The following PLA2G7 variants were observed in gnomAD, a reference collection of about 807,000 sequenced individuals.
The protein encoded by PLA2G7 is phospholipase A2 group VII.
A neutral mutation model predicts 49.6 loss-of-function variants in PLA2G7; 63 were observed. That is an observed-to-expected ratio of 1.27 (90% CI 1.04 to 1.57). The LOEUF is 1.57. PLA2G7 is among the 40% of genes most tolerant of loss of function. The pLI is 0.00. For missense variants in PLA2G7, 596 were observed against 521.2 expected (o/e 1.14, Z -1.40); for synonymous variants, 193 against 169.9 (o/e 1.14, Z -1.06).
chr6:46,716,913 G>A (rs1002510305), intron 3 of PLA2G7, 62 bp downstream of exon 3: 1 of 1,534,406 alleles, frequency 6.5e-7, no homozygotes, highest in East Asian at 2.2e-5. Context: ...ACACCTTCTA[G>A]TGGTCCATAG....
At chr6:46,729,498 C>T (rs1027918703) in intron 1 of PLA2G7, among the ~76,000 whole-genome samples, 3 of 152,182 alleles carry the variant, frequency 2.0e-5, no homozygotes, top group Admixed American at 2.0e-4. Context: ...TACAGTTACC[C>T]TTCTAAGCAT....
In PLA2G7 at chr6:46,717,040, T is replaced by C; in HGVS notation, c.166A>G (p.Ile56Val). The C allele has an allele frequency of 6.2e-7, 1 of 1,613,600 alleles. No homozygotes were observed. The highest frequency in any genetic ancestry group is 1.1e-5 in the South Asian group (1 of 91,074). ...GAATAAGGCCCATTTCCCCGGGGGA[T>C]TTTAGTTTGGCCAAAGCTTGCAGCA... ...MAAASFGQTK[I>V]PRGNGPYSVG... The change falls in exon 3 of 12, where the codon ATC becomes GTC. Residue 56 changes from isoleucine to valine, a missense_variant. By Grantham distance (29) the Ile-to-Val change is conservative. Coordinates refer to ENST00000274793, the MANE Select transcript of PLA2G7 (RefSeq NM_005084.4).
At chr6:46,726,981 T>G (rs1402042579) in intron 1 of PLA2G7, among the ~76,000 whole-genome samples, 1 of 152,128 alleles carries the variant, frequency 6.6e-6, no homozygotes, top group African/African-American at 2.4e-5. Flanking sequence ...ATGATTTTCT[T>G]CAAATAGTAA....
At chr6:46,714,620 C>A (rs1228644866) in intron 4 of PLA2G7, 67 bp from the exon 5 acceptor site, 1 of 923,060 alleles carries the variant, frequency 1.1e-6, no homozygotes, top group East Asian at 2.4e-5. Context: ...TAATTCATAT[C>A]TCATTAGCAT....
chr6:46,704,458 TCTCTCTCTCTCTCTCTCTCTCA>T lies in PLA2G7; in HGVS notation c.*80_*101del. 1.7e-6 allele frequency: 1 copy of T among 591,804 alleles called. No individual in the cohort carries two copies. Among genetic ancestry groups the T allele is most frequent in the Non-Finnish European group, 2.9e-6 (1 of 340,528 alleles). 36.7% of individuals were successfully genotyped at this position (591,804 alleles called of 1,614,324 possible). On this transcript the variant is annotated 3_prime_UTR_variant, in exon 12 of 12. Transcript: ENST00000274793. ...CATTAAAATTCTCTCTCTCTCTCTC[TCTCTCTCTCTCTCTCTCTCTCA>T]CACACACACACACACACACACACAC...
chr6:46,729,768 T>G (rs1029030999), intron 1 of PLA2G7, among the ~76,000 whole-genome samples: 3 of 152,190 alleles, frequency 2.0e-5, no homozygotes, highest in Non-Finnish European at 4.4e-5. Flanking sequence ...ACCCACTAGA[T>G]GCCAATAGCA....
Position 46,727,698 on chromosome 6 carries a change from G to T in PLA2G7, c.-34-4773C>A, listed in dbSNP as rs45468998. 1.8e-3 allele frequency among the ~76,000 whole-genome samples: 267 copies of T among 152,332 alleles called. 1 individual carries two copies. Among genetic ancestry groups the T allele is most frequent in the African/African-American group, 6.0e-3 (250 of 41,584 alleles). On this transcript the variant is annotated intron_variant, in intron 1 of 11. Transcript: ENST00000274793. The stretch of plus-strand genomic sequence containing the variant: ...AATGTAATCACAAGAGTCCTTAAAA[G>T]TATAAGAGGATGGCAGAAGAAGAGA...
intron 7 of PLA2G7, among the ~76,000 whole-genome samples, chr6:46,710,898 C>A (rs1562069932): frequency 6.6e-6 from 1 of 152,180 alleles, no homozygotes; most frequent in East Asian, 1.9e-4. Context: ...TTTACTTAAC[C>A]TCTCTGAGTT....
intron 5 of PLA2G7, 49 bp downstream of exon 5, chr6:46,714,411 T>A (rs768572884): frequency 9.2e-7 from 1 of 1,089,794 alleles, no homozygotes; most frequent in East Asian, 2.4e-5. Flanking sequence ...AATAAAAAAA[T>A]TGTCATTTAT....
chr6:46,717,195 T>C, intron 2 of PLA2G7, 99 bp from the exon 3 acceptor site: 1 of 1,105,300 alleles, frequency 9.0e-7, no homozygotes, highest in Non-Finnish European at 1.4e-6. Flanking sequence ...TCCCATAGTT[T>C]CTGGCCTTCT....
At chr6:46,732,271 C>G (rs1350814702) in intron 1 of PLA2G7, among the ~76,000 whole-genome samples, 4 of 152,028 alleles carry the variant, frequency 2.6e-5, no homozygotes, top group Non-Finnish European at 5.9e-5. Context: ...GTCTGCCCAT[C>G]TTCCTGAGGT....
chr6:46,710,405 G>T (rs543130340), intron 8 of PLA2G7, 140 bp downstream of exon 8: 6 of 679,902 alleles, frequency 8.8e-6, no homozygotes, highest in East Asian at 2.7e-5. Context: ...GTACTGCTTT[G>T]TGTGTCTGTG....
At chr6:46,709,821 G>C (rs1308239985) in intron 8 of PLA2G7, among the ~76,000 whole-genome samples, 1 of 152,070 alleles carries the variant, frequency 6.6e-6, no homozygotes, top group African/African-American at 2.4e-5. Context: ...AGTCCATCAG[G>C]GAAGAAAGTT....
Position 46,704,217 on chromosome 6 carries a change from G to C in PLA2G7, c.*343C>G. The C allele has an allele frequency of 3.9e-6, 1 of 254,956 alleles. No individual in the cohort carries two copies. Among genetic ancestry groups the C allele is most frequent in the Non-Finnish European group, 7.7e-6 (1 of 129,874 alleles). 15.8% of individuals were successfully genotyped at this position (254,956 alleles called of 1,614,324 possible). The stretch of plus-strand genomic sequence containing the variant: ...TGCAACAGGTTTTCACTGGGATTTT[G>C]CCTGTTTTAATCTACTTGTCTGTCA... On this transcript the variant is annotated 3_prime_UTR_variant, in exon 12 of 12. Transcript: ENST00000274793.
chr6:46,714,786 A>G (rs1765147155), intron 4 of PLA2G7, among the ~76,000 whole-genome samples: 1 of 144,306 alleles, frequency 6.9e-6, no homozygotes, highest in Non-Finnish European at 1.5e-5. Flanking sequence ...CCCAGGCTGG[A>G]GTGCAATGGC....
chr6:46,732,047 T>C (rs1447896212), intron 1 of PLA2G7, among the ~76,000 whole-genome samples: 1 of 152,184 alleles, frequency 6.6e-6, no homozygotes, highest in Non-Finnish European at 1.5e-5. Context: ...CAAACTCTCT[T>C]TTGGCTTCTC....
At chr6:46,713,151 C>T (rs532399315) in intron 5 of PLA2G7, among the ~76,000 whole-genome samples, 50 of 152,268 alleles carry the variant, frequency 3.3e-4, no homozygotes, top group African/African-American at 1.0e-3. Context: ...ATGTGCTAAG[C>T]ACTGCATTTA....
Position 46,711,511 on chromosome 6 carries a change from ATG to A in PLA2G7, c.646_647del (p.His216TyrfsTer4). 6.2e-7 allele frequency: 1 copy of A among 1,613,738 alleles called. No homozygotes were observed. Among genetic ancestry groups the A allele is most frequent in the Non-Finnish European group, 8.5e-7 (1 of 1,179,694 alleles). The part of the protein sequence containing the change: ...LRTLKQEEET[H>X]IRNEQVRQRA... Reference sequence around the variant, plus strand: ...TGCAATGTACCTGCTCATTTCGTATATGTGTCTCCTCCTCTTGTTTCAGGGTT... The same window carrying A: ...TGCAATGTACCTGCTCATTTCGTATATGTCTCCTCCTCTTGTTTCAGGGTT... On this transcript the variant is annotated frameshift_variant, in exon 7 of 12. Transcript: ENST00000274793. LOFTEE classifies it high-confidence loss of function.
At chr6:46,732,651 G>A (rs1765769544) in intron 1 of PLA2G7, among the ~76,000 whole-genome samples, 1 of 152,120 alleles carries the variant, frequency 6.6e-6, no homozygotes, top group Non-Finnish European at 1.5e-5. Flanking sequence ...TCTTACAATA[G>A]ACTTTTTATT....
Sources: allele counts gnomAD v4.1 joint callset (sites outside exome capture counted in the v4.1 genomes callset), GRCh38; gene constraint gnomAD v4.1.1; transcripts MANE v1.5; gene names NCBI Gene and HGNC (gene_info 2026-07-23, HGNC 2026-07-21).